Variants in LPIN1 observed in about 807,000 individuals in gnomAD.
The protein encoded by LPIN1 is phosphatidate phosphatase LPIN1.
A neutral mutation model predicts 107.5 loss-of-function variants in LPIN1; 71 were observed. The ratio of observed to expected loss-of-function variants is 0.66; its 90% confidence interval spans 0.55 to 0.80. The LOEUF (loss-of-function observed/expected upper bound fraction) is 0.80, where lower values mean the gene tolerates loss of function less well. Among genes scored for constraint, LPIN1 ranks in the 30% least tolerant of loss-of-function variants. LPIN1 has a pLI of 0.00. For synonymous variants in LPIN1, 445 were observed against 452.6 expected (o/e 0.98, Z 0.21); for missense variants, 1,043 against 1,160.6 (o/e 0.90, Z 1.47).
chr2:11,783,479 A>G (rs1020528539), intron 8 of LPIN1, among the ~76,000 whole-genome samples: 1 of 152,010 alleles, frequency 6.6e-6, no homozygotes, highest in Non-Finnish European at 1.5e-5. Flanking sequence ...ACTGCCCACC[A>G]TTTTCCAATG....
intron 10 of LPIN1, among the ~76,000 whole-genome samples, chr2:11,785,299 C>T (rs1674359149): frequency 6.6e-6 from 1 of 152,222 alleles, no homozygotes; most frequent in African/African-American, 2.4e-5. Flanking sequence ...CGTTGTGTGT[C>T]TCCTGTGCCC....
At chr2:11,773,766 C>T (rs1672245516) in intron 5 of LPIN1, 21 bp downstream of exon 5, 2 of 1,613,736 alleles carry the variant, frequency 1.2e-6, no homozygotes, top group Non-Finnish European at 1.7e-6. Context: ...CCCTGTTCCC[C>T]TGGCCCAGTG....
At chr2:11,681,736 G>A (rs1044439523) in intron 1 of LPIN1, among the ~76,000 whole-genome samples, 1 of 152,150 alleles carries the variant, frequency 6.6e-6, no homozygotes, top group African/African-American at 2.4e-5. Context: ...TCAGGACCCT[G>A]GACCCATTTT....
At position 11,782,252 on chromosome 2, in the gene LPIN1, A is replaced by G. The variant is rs1215404790; in HGVS notation, c.1009A>G (p.Ile337Val). 5.0e-6 allele frequency: 8 copies of G among 1,614,140 alleles called. No individual in the cohort carries two copies. The highest frequency in any genetic ancestry group is 5.1e-6 in the Non-Finnish European group (6 of 1,180,010). Residue 337 changes from isoleucine (I) to valine (V), a missense_variant, in exon 8 of 21, where the codon ATT (isoleucine) becomes GTT (valine). Transcript: ENST00000674199. ...GTCCAGCCCATTGAGCAGTAGAAAA[A>G]TTTGTGATAAAAGTCACTTTCAGGC... ...KESSPLSSRK[I>V]CDKSHFQAIH...
At chr2:11,784,859 G>A in intron 9 of LPIN1, 27 bp from the exon 10 acceptor site, 2 of 1,611,736 alleles carry the variant, frequency 1.2e-6, no homozygotes, top group Non-Finnish European at 1.7e-6. Context: ...GTCCTCAGCC[G>A]GTCTCTGCCG....
chr2:11,701,555 CTA>C lies in LPIN1; in HGVS notation c.82-12199_82-12198del, dbSNP rs528872732. ...TGCATCATACTGTTGCTATTTAGTTCTATGTTTCAGTAGTAGTAGTAATAAAA... is the reference window on the plus strand; with the variant it reads ...TGCATCATACTGTTGCTATTTAGTTCTGTTTCAGTAGTAGTAGTAATAAAA... On this transcript the variant is annotated intron_variant, in intron 1 of 21. Transcript: ENST00000449576. 1.5e-3 allele frequency among the ~76,000 whole-genome samples: 236 copies of C among 152,262 alleles called. 4 individuals are homozygous for C. The highest frequency in any genetic ancestry group is 0.013 in the East Asian group (68 of 5,190).
intron 1 of LPIN1, among the ~76,000 whole-genome samples, chr2:11,755,644 G>A (rs763587575): frequency 7.9e-5 from 12 of 152,152 alleles, no homozygotes; most frequent in Admixed American, 3.3e-4. Flanking sequence ...CTGGACAGCC[G>A]GGGGAGGAAA....
intron 1 of LPIN1, among the ~76,000 whole-genome samples, chr2:11,700,365 T>C (rs1454578729): frequency 6.6e-6 from 1 of 152,204 alleles, no homozygotes; most frequent in African/African-American, 2.4e-5. Flanking sequence ...GGGTGAGCTG[T>C]GTATTAAGGC....
rs561187992 is a variant in LPIN1, at chr2:11,795,888, G to A, written c.1886+401G>A. Among the ~76,000 whole-genome samples, 4 of 152,302 alleles carry A rather than the reference G, an allele frequency of 2.6e-5. No homozygotes were observed. The South Asian group carries it at 8.3e-4, about 32-fold the overall frequency. ...CTTCTGAAGGAACTTGCCTTTCTCT[G>A]TAATTTAAATACTGACCAGGACTTA... On this transcript the variant is annotated intron_variant, in intron 14 of 20. Transcript: ENST00000674199.
At chr2:11,766,291 G>GC (rs150751441) in intron 2 of LPIN1, among the ~76,000 whole-genome samples, 3,036 of 152,254 alleles carry the variant, frequency 0.02, 103 homozygotes, top group African/African-American at 0.067. Flanking sequence ...ACTGGTTGGG[G>GC]CCATCACAAG....
intron 14 of LPIN1, among the ~76,000 whole-genome samples, chr2:11,800,059 C>G (rs1055632198): frequency 6.6e-6 from 1 of 152,236 alleles, no homozygotes; most frequent in East Asian, 1.9e-4. Context: ...TCCCCCAGGG[C>G]TCTGTCCCAG....
intron 3 of LPIN1, among the ~76,000 whole-genome samples, chr2:11,769,585 A>C (rs1671523860): frequency 6.6e-6 from 1 of 151,496 alleles, no homozygotes. Context: ...GTTTTAATGA[A>C]GTCTAATTTT....
intron 1 of LPIN1, among the ~76,000 whole-genome samples, chr2:11,756,888 T>C (rs1668771469): frequency 6.6e-6 from 1 of 152,222 alleles, no homozygotes; most frequent in Non-Finnish European, 1.5e-5. Flanking sequence ...TGTAATAACC[T>C]CAGAAAATTT....
upstream of LPIN1, among the ~76,000 whole-genome samples, chr2:11,719,753 T>C (rs1432461853): frequency 2.6e-5 from 4 of 151,546 alleles, no homozygotes; most frequent in African/African-American, 2.4e-5. Flanking sequence ...AGCTCTTATC[T>C]AGAAATGCAC....
intron 1 of LPIN1, among the ~76,000 whole-genome samples, chr2:11,712,131 CT>C (rs1265428151): frequency 6.6e-6 from 1 of 152,254 alleles, no homozygotes; most frequent in Non-Finnish European, 1.5e-5. Flanking sequence ...TCCTTGCCCC[CT>C]GATCCCCCCG....
Position 11,815,227 on chromosome 2 carries a change from T to C in LPIN1, c.2389T>C (p.Ser797Pro), listed in dbSNP as rs1680369525. 1.9e-6 allele frequency: 3 copies of C among 1,614,060 alleles called. No homozygotes were observed. The highest frequency in any genetic ancestry group is 2.5e-6 in the Non-Finnish European group (3 of 1,179,988). Residue 797 changes from serine (S) to proline (P), a missense_variant, in exon 18 of 21, where the codon TCT becomes CCT. By Grantham distance (74) the Ser-to-Pro change is moderately conservative. Coordinates refer to ENST00000674199, the MANE Select transcript of LPIN1 (RefSeq NM_001349206.2). ...PLLLSPSSLF[S>P]ALHREVIEKK... ...GCTGCTGAGTCCCAGCAGCCTCTTCTCTGCCCTGCACAGGTACCAGGCCTG... is the reference window on the plus strand; with the variant it reads ...GCTGCTGAGTCCCAGCAGCCTCTTCCCTGCCCTGCACAGGTACCAGGCCTG...
chr2:11,782,322 C>T lies in LPIN1; in HGVS notation c.1079C>T (p.Thr360Ile), dbSNP rs1481862411. Reference sequence around the variant, plus strand: ...GACACTTTTAGTGACCAATCGCCAACTCTGGTCGGTGGGGCACTTTTGGAC... The same window carrying T: ...GACACTTTTAGTGACCAATCGCCAATTCTGGTCGGTGGGGCACTTTTGGAC... ...SSDTFSDQSPTLVGGALLDQN... is the reference protein window; with the variant it reads ...SSDTFSDQSPILVGGALLDQN... Residue 360 changes from threonine (T) to isoleucine (I), a missense_variant, in exon 8 of 21, where the codon ACT becomes ATT. Transcript: ENST00000674199. 1.2e-6 allele frequency: 2 copies of T among 1,614,218 alleles called. No homozygotes were observed. The highest frequency in any genetic ancestry group is 3.3e-5 in the Admixed American group (2 of 60,018).
rs1195234343 is a variant in LPIN1, at chr2:11,786,097, C to T, written c.1550-977C>T. ...TGGCAGCACTGACAAGGCTGGGCAC[C>T]GTTATCTGAGTGTTATCTCATGGGG... On this transcript the variant is annotated intron_variant, in intron 10 of 20. Transcript: ENST00000674199. This position sits in a 1 kb window ranked among gnomAD's most constrained non-coding sequence, Gnocchi z 4.1. 2.0e-5 allele frequency among the ~76,000 whole-genome samples: 3 copies of T among 152,012 alleles called. No homozygotes were observed. Among genetic ancestry groups the T allele is most frequent in the African/African-American group, 4.8e-5 (2 of 41,378 alleles).
At chr2:11,686,234 A>C (rs1028741035) in intron 1 of LPIN1, among the ~76,000 whole-genome samples, 6 of 152,112 alleles carry the variant, frequency 3.9e-5, no homozygotes, top group Non-Finnish European at 7.3e-5. Context: ...GGGCTTCATC[A>C]ATGTGCTGAG....
Sources: allele counts gnomAD v4.1 joint callset (sites outside exome capture counted in the v4.1 genomes callset), GRCh38; gene constraint gnomAD v4.1.1; non-coding constraint Gnocchi (gnomAD v3.1); transcripts MANE v1.5; gene names NCBI Gene and HGNC (gene_info 2026-07-23, HGNC 2026-07-21).